The following PLXDC2 variants were observed in gnomAD, a reference collection of about 807,000 sequenced individuals.
The protein encoded by PLXDC2 is plexin domain-containing protein 2.
PLXDC2 carries 40 observed loss-of-function variants against 68.9 expected under a neutral mutation model. The ratio of observed to expected loss-of-function variants is 0.58; its 90% confidence interval spans 0.45 to 0.76. PLXDC2 has a LOEUF of 0.76. Among genes scored for constraint, PLXDC2 ranks in the 30% least tolerant of loss-of-function variants. The probability of loss-of-function intolerance (pLI) is 0.00; values close to 1 mark genes in which losing one functional copy is unlikely to be tolerated. For synonymous variants in PLXDC2, 243 were observed against 234.2 expected (o/e 1.04, Z -0.34); for missense variants, 644 against 661.9 (o/e 0.97, Z 0.30).
intron 1 of PLXDC2, among the ~76,000 whole-genome samples, chr10:19,891,462 A>G (rs554414946): frequency 6.6e-6 from 1 of 152,252 alleles, no homozygotes; most frequent in African/African-American, 2.4e-5. Context: ...AGATTGTGCT[A>G]TAGAGTTTTG....
At chr10:20,272,436 G>A (rs1835951818) in intron 13 of PLXDC2, among the ~76,000 whole-genome samples, 1 of 151,808 alleles carries the variant, frequency 6.6e-6, no homozygotes, top group Non-Finnish European at 1.5e-5. Context: ...TTAAAAAAAT[G>A]AAGTCAAAAA....
Position 19,823,079 on chromosome 10 carries a change from C to G in PLXDC2, c.112+5888C>G, listed in dbSNP as rs1452865967. On this transcript the variant is annotated intron_variant, in intron 1 of 13. Transcript: ENST00000377252. ...TACAGGCACCCGCCACCACGCCCAG[C>G]TAATTTTTTGTATTTTTTAGTAGAG... 2.0e-5 allele frequency among the ~76,000 whole-genome samples: 3 copies of G among 152,104 alleles called. No individual in the cohort carries two copies. The East Asian group carries it at 5.8e-4, about 30-fold the overall frequency.
chr10:20,278,069 C>T (rs772102388), intron 13 of PLXDC2, among the ~76,000 whole-genome samples: 3 of 152,140 alleles, frequency 2.0e-5, no homozygotes, highest in African/African-American at 7.2e-5. Context: ...TTATGTACCA[C>T]GTTTTTTTCA....
At chr10:20,226,286 A>G (rs569101949) in intron 12 of PLXDC2, among the ~76,000 whole-genome samples, 1 of 152,330 alleles carries the variant, frequency 6.6e-6, no homozygotes, top group South Asian at 2.1e-4. Flanking sequence ...AAATGAGTCC[A>G]TTTAAGCCAA....
At chr10:20,002,820 C>T (rs574054897) in intron 2 of PLXDC2, among the ~76,000 whole-genome samples, 1 of 152,200 alleles carries the variant, frequency 6.6e-6, no homozygotes, top group South Asian at 2.1e-4. Flanking sequence ...ATTTCCTCTG[C>T]AGTGGCTGAG....
intron 1 of PLXDC2, among the ~76,000 whole-genome samples, chr10:19,890,764 A>G (rs1837944716): frequency 7.4e-6 from 1 of 135,086 alleles, no homozygotes; most frequent in African/African-American, 2.8e-5. Flanking sequence ...TAGAATAATT[A>G]TTTAATTATT....
At chr10:20,196,634 GT>G (rs1357336595) in intron 9 of PLXDC2, among the ~76,000 whole-genome samples, 1 of 152,132 alleles carries the variant, frequency 6.6e-6, no homozygotes, top group Non-Finnish European at 1.5e-5. Flanking sequence ...ACCAGCCCCA[GT>G]TTTATGCATG....
chr10:19,966,337 CAT>C (rs1444600488), intron 1 of PLXDC2, among the ~76,000 whole-genome samples: 1 of 127,934 alleles, frequency 7.8e-6, no homozygotes, highest in Non-Finnish European at 1.6e-5. Flanking sequence ...TATATGTACA[CAT>C]ATATAATAAA....
At chr10:19,965,712 T>A (rs1033779765) in intron 1 of PLXDC2, among the ~76,000 whole-genome samples, 13 of 114,142 alleles carry the variant, frequency 1.1e-4, no homozygotes, top group Non-Finnish European at 2.1e-4. Context: ...GGAAAACAGT[T>A]TTTTTTGGGG....
chr10:19,917,403 G>A (rs1208846173), intron 1 of PLXDC2, among the ~76,000 whole-genome samples: 3 of 152,086 alleles, frequency 2.0e-5, no homozygotes, highest in Non-Finnish European at 2.9e-5. Context: ...AATCCATCCT[G>A]AAATTGAGCA....
At chr10:19,866,175 G>T (rs920036918) in intron 1 of PLXDC2, among the ~76,000 whole-genome samples, 1 of 152,164 alleles carries the variant, frequency 6.6e-6, no homozygotes, top group African/African-American at 2.4e-5. Flanking sequence ...GATTTATGTA[G>T]TCTTAGGGTA....
At chr10:20,044,592 G>A (rs982939813) in intron 2 of PLXDC2, among the ~76,000 whole-genome samples, 1 of 152,016 alleles carries the variant, frequency 6.6e-6, no homozygotes, top group African/African-American at 2.4e-5. Flanking sequence ...TTACAGGCAT[G>A]AGCCACCGCG....
chr10:20,040,454 C>A (rs1002635677), intron 2 of PLXDC2, among the ~76,000 whole-genome samples: 1 of 152,098 alleles, frequency 6.6e-6, no homozygotes, highest in East Asian at 1.9e-4. Context: ...TGCACTTGTA[C>A]GTGTTTCTAC....
chr10:20,061,828 C>G (rs1836110093), intron 3 of PLXDC2, among the ~76,000 whole-genome samples: 1 of 152,118 alleles, frequency 6.6e-6, no homozygotes, highest in East Asian at 1.9e-4. Context: ...GATACCGATT[C>G]TATTAGAAAA....
intron 1 of PLXDC2, among the ~76,000 whole-genome samples, chr10:19,901,135 A>C (rs1433522478): frequency 1.3e-5 from 2 of 151,984 alleles, no homozygotes; most frequent in Non-Finnish European, 2.9e-5. Flanking sequence ...TGCTATAAAC[A>C]TGTGTGTGCC....
intron 4 of PLXDC2, among the ~76,000 whole-genome samples, chr10:20,107,294 G>A (rs914010161): frequency 6.6e-6 from 1 of 151,892 alleles, no homozygotes; most frequent in Non-Finnish European, 1.5e-5. Flanking sequence ...AAGCCTTCAC[G>A]AGGTTAGAAA....
At chr10:19,921,958 A>G (rs572684273) in intron 1 of PLXDC2, among the ~76,000 whole-genome samples, 1 of 152,078 alleles carries the variant, frequency 6.6e-6, no homozygotes, top group Non-Finnish European at 1.5e-5. Flanking sequence ...CCCGAGTTCA[A>G]GTGATTCTCC....
intron 1 of PLXDC2, among the ~76,000 whole-genome samples, chr10:19,934,669 T>G (rs189645667): frequency 3.3e-5 from 5 of 152,358 alleles, no homozygotes; most frequent in Non-Finnish European, 7.3e-5. Flanking sequence ...TACTTCTTTT[T>G]CCATATTGTG....
chr10:20,257,393 C>CTA (rs1246564459), intron 13 of PLXDC2, among the ~76,000 whole-genome samples: 3 of 152,056 alleles, frequency 2.0e-5, no homozygotes, highest in Admixed American at 2.0e-4. Flanking sequence ...CATGTGTGTG[C>CTA]ATACTTACAG....
Sources: allele counts gnomAD v4.1 joint callset (sites outside exome capture counted in the v4.1 genomes callset), GRCh38; gene constraint gnomAD v4.1.1; transcripts MANE v1.5; gene names NCBI Gene and HGNC (gene_info 2026-07-23, HGNC 2026-07-21).